The following TRPC5 variants were observed in gnomAD, a reference collection of about 807,000 sequenced individuals.
The protein encoded by TRPC5 is transient receptor potential cation channel subfamily C member 5.
TRPC5 carries 9 observed loss-of-function variants against 56.5 expected under a neutral mutation model. The ratio of observed to expected loss-of-function variants is 0.16; its 90% CI spans 0.10 to 0.28. The LOEUF is 0.28. Among genes scored for constraint, TRPC5 ranks in the 10% least tolerant of loss-of-function variants. The probability of loss-of-function intolerance (pLI) is 1.00; values close to 1 mark genes in which losing one functional copy is unlikely to be tolerated. For synonymous variants in TRPC5, 282 were observed against 278.5 expected, an observed-to-expected ratio of 1.01 and a Z score of -0.13; for missense variants, 469 against 748.9, an observed-to-expected ratio of 0.63 and a Z score of 4.36.
intron 1 of TRPC5, among the ~76,000 whole-genome samples, chrX:112,071,691 T>C (rs909871848): frequency 2.7e-5 from 3 of 112,308 alleles, no homozygotes; most frequent in Admixed American, 9.4e-5. Flanking sequence ...CATATAACTT[T>C]TACATCATGA....
intron 6 of TRPC5, among the ~76,000 whole-genome samples, chrX:111,837,906 C>CAAAAA (rs757607444): frequency 2.3e-5 from 1 of 42,656 alleles, no homozygotes; most frequent in African/African-American, 6.9e-5. Flanking sequence ...GCCCCGTTAT[C>CAAAAA]AAAAAAAAAA....
In TRPC5 at chrX:111,847,340, G is replaced by A. The variant is rs775204265; in HGVS notation, c.1474C>T (p.Arg492Cys). 2 of 1,211,361 alleles carry A rather than the reference G, an allele frequency of 1.7e-6. No individual in the cohort carries two copies. Among genetic ancestry groups the A allele is most frequent in the Non-Finnish European group, 2.2e-6 (2 of 895,452 alleles). Residue 492 changes from arginine to cysteine, a missense_variant, in exon 6 of 11, where the codon CGT becomes TGT. By Grantham distance (180) the Arg-to-Cys change is radical. Around this residue, in one of 3 missense-constraint regions of TRPC5, gnomAD observed 157 missense variants for 360.0 expected, o/e 0.44. Transcript: ENST00000262839. ...TTGGCTGTGAACAGGGATATGAGACGCAACGAACTTAAAATGTTGGATATT... is the reference window on the plus strand; with the variant it reads ...TTGGCTGTGAACAGGGATATGAGACACAACGAACTTAAAATGTTGGATATT... ...FAISNILSSL[R>C]LISLFTANSH...
intron 3 of TRPC5, among the ~76,000 whole-genome samples, chrX:111,868,306 G>A (rs1016091565): frequency 8.9e-6 from 1 of 112,314 alleles, no homozygotes; most frequent in African/African-American, 3.2e-5. Flanking sequence ...GCTCCATTAG[G>A]AATGGACAAT....
intron 3 of TRPC5, among the ~76,000 whole-genome samples, chrX:111,904,810 T>G (rs570926655): frequency 1.1e-4 from 12 of 112,004 alleles, no homozygotes; most frequent in African/African-American, 3.9e-4. Context: ...TTCACCCATC[T>G]GCAAAAAGTT....
chrX:112,075,326 A>G (rs1930810808), intron 1 of TRPC5, among the ~76,000 whole-genome samples: 1 of 112,134 alleles, frequency 8.9e-6, no homozygotes, highest in African/African-American at 3.2e-5. Context: ...AAGCTGCGCA[A>G]TGTTAAACAT....
At chrX:111,798,607 G>A (rs1250296777) in intron 7 of TRPC5, among the ~76,000 whole-genome samples, 1 of 111,179 alleles carries the variant, frequency 9.0e-6, no homozygotes. Context: ...AGCTGTGGTT[G>A]CCCACTATTT....
chrX:111,771,310 A>G lies in TRPC5; in HGVS notation c.*5003T>C, dbSNP rs886392335. ...TAGCTTTTTGGCATAAGGGCATTCC[A>G]CTTAGTTTTATGTTTAAATATTATA... is the stretch of plus-strand genomic sequence containing the variant. On this transcript the variant is annotated 3_prime_UTR_variant, in exon 11 of 11. Coordinates refer to ENST00000262839, the MANE Select transcript of TRPC5 (RefSeq NM_012471.3). Among the ~76,000 whole-genome samples the G allele has an allele frequency of 5.4e-5, 6 of 111,852 alleles. No homozygotes were observed. Among genetic ancestry groups the G allele is most frequent in the South Asian group, 3.7e-4 (1 of 2,686 alleles).
At chrX:111,820,582 A>G (rs1236407380) in intron 7 of TRPC5, among the ~76,000 whole-genome samples, 2 of 112,219 alleles carry the variant, frequency 1.8e-5, no homozygotes, top group Admixed American at 9.4e-5. Context: ...CCGTTCATTT[A>G]TGTACTGCCT....
chrX:111,871,995 G>A (rs1456810708), intron 3 of TRPC5, among the ~76,000 whole-genome samples: 2 of 111,842 alleles, frequency 1.8e-5, no homozygotes, highest in African/African-American at 6.5e-5. Flanking sequence ...GATAAGGCCA[G>A]GATGCCCCTC....
chrX:111,834,878 C>T (rs1292398763), intron 7 of TRPC5, 43 bp downstream of exon 7: 1 of 1,103,573 alleles, frequency 9.1e-7, no homozygotes, highest in South Asian at 2.2e-5. Flanking sequence ...GTTGCCCCAA[C>T]CTGAAACCAA....
At chrX:111,791,103 C>G (rs1217448877) in intron 7 of TRPC5, among the ~76,000 whole-genome samples, 1 of 104,934 alleles carries the variant, frequency 9.5e-6, no homozygotes, top group African/African-American at 3.5e-5. Flanking sequence ...CATCATCCCA[C>G]CTTTAGAACT....
At position 111,937,061 on chromosome X, in the gene TRPC5, T is replaced by C. The variant is rs1323167194; in HGVS notation, c.378+14982A>G. 2.8e-3 allele frequency among the ~76,000 whole-genome samples: 277 copies of C among 100,483 alleles called. 1 individual carries two copies. The highest frequency in any genetic ancestry group is 8.7e-3 in the African/African-American group (212 of 24,474). The allele number at this position is 100,483 out of a possible 115,157, so 87.3% of individuals were successfully genotyped here. On this transcript the variant is annotated intron_variant, in intron 2 of 10. Coordinates refer to ENST00000262839, the MANE Select transcript of TRPC5 (RefSeq NM_012471.3). The stretch of plus-strand genomic sequence containing the variant: ...CTAACTGGTGTGAGGTGGTATCTCA[T>C]TGTGGTTTTGATTTGCATTTCTCTG...
chrX:111,959,176 A>G (rs147165106), intron 1 of TRPC5, among the ~76,000 whole-genome samples: 9,006 of 111,884 alleles, frequency 0.08, 352 homozygotes, highest in Non-Finnish European at 0.12. Context: ...TGTAAGCCCT[A>G]TTTTTTTCTA....
In TRPC5 at chrX:111,915,965, A is replaced by G. The variant is rs138169101; in HGVS notation, c.379-3153T>C. Among the ~76,000 whole-genome samples, 170 of 109,501 alleles carry G rather than the reference A, an allele frequency of 1.6e-3. 5 individuals carry two copies. In the East Asian group the frequency reaches 0.033, roughly 21 times the overall value. ...TAAAAAACAAACAAACAAACAAACAAAAACATTATATTAGCTAGGTGTGAT... is the reference window on the plus strand; with the variant it reads ...TAAAAAACAAACAAACAAACAAACAGAAACATTATATTAGCTAGGTGTGAT... On this transcript the variant is annotated intron_variant, in intron 2 of 10. Transcript: ENST00000262839.
chrX:111,788,577 G>A (rs1945989764), intron 7 of TRPC5, among the ~76,000 whole-genome samples: 1 of 111,705 alleles, frequency 9.0e-6, no homozygotes, highest in Admixed American at 9.5e-5. Flanking sequence ...AATCAGGCAA[G>A]AGAAAGAAAT....
At chrX:111,961,038 C>G (rs189681461) in intron 1 of TRPC5, among the ~76,000 whole-genome samples, 1 of 111,361 alleles carries the variant, frequency 9.0e-6, no homozygotes, top group South Asian at 3.8e-4. Context: ...TCTCAAACTC[C>G]TGATCTCGTG....
At chrX:111,859,368 T>G (rs1035388114) in intron 3 of TRPC5, among the ~76,000 whole-genome samples, 1 of 112,674 alleles carries the variant, frequency 8.9e-6, no homozygotes, top group African/African-American at 3.2e-5. Flanking sequence ...ACTTTTCAGT[T>G]TCCTATTTTT....
intron 3 of TRPC5, among the ~76,000 whole-genome samples, chrX:111,897,998 A>G (rs1296861464): frequency 1.8e-5 from 2 of 110,565 alleles, no homozygotes; most frequent in African/African-American, 6.5e-5. Flanking sequence ...TACCAGTAGT[A>G]TAAATGTGTG....
chrX:111,968,227 CTCA>C (rs1291819410), intron 1 of TRPC5, among the ~76,000 whole-genome samples: 2 of 111,180 alleles, frequency 1.8e-5, no homozygotes, highest in African/African-American at 6.5e-5. Context: ...TGAAAAAATG[CTCA>C]TCATCACTGG....
Sources: gnomAD v4.1 joint callset for allele counts (sites outside exome capture counted in the v4.1 genomes callset) on GRCh38, gnomAD v4.1.1 for gene constraint, gnomAD v4.1.1 regional missense constraint, MANE v1.5 for transcripts, NCBI Gene and HGNC (gene_info 2026-07-23, HGNC 2026-07-21) for gene names.